Variants in SSH1 observed in about 807,000 individuals in gnomAD.
The protein encoded by SSH1 is protein phosphatase Slingshot homolog 1.
SSH1 carries 43 observed loss-of-function variants against 79.7 expected under a neutral mutation model. The ratio of observed to expected loss-of-function variants is 0.54; its 90% confidence interval spans 0.42 to 0.70. SSH1 has a LOEUF of 0.70. Among genes scored for constraint, SSH1 ranks in the 30% least tolerant of loss-of-function variants. The pLI, the probability that SSH1 is intolerant of heterozygous loss-of-function variation, is 0.00. For missense variants in SSH1, 1,206 were observed against 1,358.8 expected, an observed-to-expected ratio of 0.89 and a Z score of 1.77; for synonymous variants, 599 against 538.3, an observed-to-expected ratio of 1.11 and a Z score of -1.56.
chr12:108,852,977 C>T (rs2039074607), intron 1 of SSH1: 3 of 985,220 alleles, frequency 3.0e-6, no homozygotes, highest in Non-Finnish European at 3.6e-6. Context: ...GTCTTTTAGC[C>T]CTCAGCCCTC....
At position 108,790,493 on chromosome 12, in the gene SSH1, A is replaced by G. The variant is rs539262437; in HGVS notation, c.1894-1249T>C. Among the ~76,000 whole-genome samples the G allele has an allele frequency of 1.8e-3, 267 of 152,262 alleles. 1 individual carries two copies. The highest frequency in any genetic ancestry group is 2.9e-3 in the Non-Finnish European group (198 of 68,014). ...GAGACAGGGTTTCACCATGTTGGTC[A>G]TGCTGGTCTCAAACTCCTGACCTCA... is the stretch of plus-strand genomic sequence containing the variant. On this transcript the variant is annotated intron_variant, in intron 14 of 14. Transcript: ENST00000326495.
chr12:108,829,478 G>C (rs7960393), intron 2 of SSH1, among the ~76,000 whole-genome samples: 48,123 of 151,950 alleles, frequency 0.32, 7,802 homozygotes, highest in South Asian at 0.44. Context: ...ATCCAAACAG[G>C]CAAACATTTG....
chr12:108,841,088 T>C (rs368092926), intron 2 of SSH1, among the ~76,000 whole-genome samples: 5 of 152,244 alleles, frequency 3.3e-5, no homozygotes, highest in African/African-American at 7.2e-5. Context: ...TCACTTTACA[T>C]AGCAGGAGAC....
chr12:108,795,153 A>C (rs1315514870), intron 13 of SSH1, among the ~76,000 whole-genome samples: 2 of 152,234 alleles, frequency 1.3e-5, no homozygotes, highest in East Asian at 3.8e-4. Context: ...AACAATGGCA[A>C]ATAAACCTCC....
chr12:108,788,848 T>C lies in SSH1; in HGVS notation c.2290A>G (p.Lys764Glu), dbSNP rs1424050669. The C allele has an allele frequency of 1.2e-6, 2 of 1,614,124 alleles. No homozygotes were observed. The highest frequency in any genetic ancestry group is 1.7e-6 in the Non-Finnish European group (2 of 1,180,048). Residue 764 changes from lysine (K) to glutamate (E), a missense_variant, in exon 15 of 15, where the codon AAG (lysine) becomes GAG (glutamate). Physicochemically the swap from Lys to Glu is moderately conservative, Grantham distance 56. Coordinates refer to ENST00000326495, the MANE Select transcript of SSH1 (RefSeq NM_018984.4). The part of the protein sequence containing the change: ...SLLLKNSHCD[K>E]NPPSTEVVIK... Reference sequence around the variant, plus strand: ...ACCACTTCTGTGCTGGGAGGGTTCTTATCACAGTGAGAATTCTTCAAAAGG... The same window carrying C: ...ACCACTTCTGTGCTGGGAGGGTTCTCATCACAGTGAGAATTCTTCAAAAGG...
At chr12:108,835,898 TTAATA>T (rs2038596954) in intron 2 of SSH1, among the ~76,000 whole-genome samples, 2 of 76,914 alleles carry the variant, frequency 2.6e-5, no homozygotes, top group African/African-American at 9.6e-5. Context: ...TATAACTATA[TTAATA>T]TAATTAATTA....
In SSH1 at chr12:108,788,490, G is replaced by T; in HGVS notation, c.2648C>A (p.Ser883Ter). 1 of 1,556,296 alleles carries T rather than the reference G, an allele frequency of 6.4e-7. No homozygotes were observed. Among genetic ancestry groups the T allele is most frequent in the South Asian group, 1.2e-5 (1 of 80,560 alleles). ...TTCCAATGAAGCGGGGGCGGCCTCTGACTTCTCATCACTCCCGGCCTGGCT... is the reference window on the plus strand; with the variant it reads ...TTCCAATGAAGCGGGGGCGGCCTCTTACTTCTCATCACTCCCGGCCTGGCT... ...MPSQAGSDEKSEAAPASLEGG... is the reference protein window; with the variant it reads ...MPSQAGSDEK The change falls in exon 15 of 15, where the codon TCA becomes TAA. Residue 883 changes from serine to a stop codon, truncating the protein, a stop_gained. Transcript: ENST00000326495. LOFTEE classifies it high-confidence loss of function.
intron 4 of SSH1, 61 bp from the exon 5 acceptor site, chr12:108,817,220 C>T: frequency 6.2e-7 from 1 of 1,604,656 alleles, no homozygotes; most frequent in East Asian, 2.2e-5. Context: ...TCCCTCCCAT[C>T]TCCAATGCAA....
At chr12:108,816,587 G>A (rs943207521) in intron 5 of SSH1, among the ~76,000 whole-genome samples, 1 of 152,160 alleles carries the variant, frequency 6.6e-6, no homozygotes, top group African/African-American at 2.4e-5. Flanking sequence ...AATCAGTGGA[G>A]TATCACTGTG....
In SSH1 at chr12:108,807,463, G is replaced by A; in HGVS notation, c.731+170C>T. 1.7e-6 allele frequency: 1 copy of A among 592,524 alleles called. No homozygotes were observed. The highest frequency in any genetic ancestry group is 2.0e-5 in the South Asian group (1 of 48,844). The allele number at this position is 592,524 out of a possible 1,614,324, so 36.7% of individuals were successfully genotyped here. A position where few individuals can be genotyped will look rare whatever the true frequency, so the allele number is the denominator to read the frequency against. ...TTTTTTGCATGGGACAGGGGCCTGT[G>A]TCACAGACCCCTGCTTTAAACGCTG... On this transcript the variant is annotated intron_variant, in intron 8 of 14. Coordinates refer to ENST00000326495, the MANE Select transcript of SSH1 (RefSeq NM_018984.4). The surrounding 1 kb of genome is among the most constrained non-coding windows in gnomAD (Gnocchi z 5.2).
chr12:108,818,427 T>G, intron 3 of SSH1, 114 bp from the exon 4 acceptor site: 1 of 905,910 alleles, frequency 1.1e-6, no homozygotes, highest in East Asian at 2.6e-5. Context: ...TTAAAATTTG[T>G]CTACCTACAC....
Position 108,792,482 on chromosome 12 carries a change from T to C in SSH1, c.1697A>G (p.Lys566Arg), listed in dbSNP as rs745507151. 6.2e-7 allele frequency: 1 copy of C among 1,614,222 alleles called. No individual in the cohort carries two copies. The highest frequency in any genetic ancestry group is 1.1e-5 in the South Asian group (1 of 91,086). Residue 566 changes from lysine to arginine, a missense_variant, in exon 14 of 15, where the codon AAG becomes AGG. Physicochemically the swap from Lys to Arg is conservative, Grantham distance 26. Coordinates refer to ENST00000326495, the MANE Select transcript of SSH1 (RefSeq NM_018984.4). Reference sequence around the variant, plus strand: ...AAACTCTAGTTTCTTCTTCACATCCTTCTCACAGAGTCCGGAACCTTGCTG... The same window carrying C: ...AAACTCTAGTTTCTTCTTCACATCCCTCTCACAGAGTCCGGAACCTTGCTG... ...QPQQGSGLCE[K>R]DVKKKLEFGS... is the part of the protein sequence containing the mutation.
At chr12:108,832,142 C>T (rs545988464) in intron 2 of SSH1, among the ~76,000 whole-genome samples, 28 of 151,982 alleles carry the variant, frequency 1.8e-4, no homozygotes, top group African/African-American at 6.8e-4. Flanking sequence ...ACAAAAAATA[C>T]AAAAATTAGC....
In SSH1 at chr12:108,807,417, AAT is replaced by A. The variant is rs2037333929; in HGVS notation, c.731+214_731+215del. 5.4e-5 allele frequency among the ~76,000 whole-genome samples: 1 copy of A among 18,414 alleles called. No homozygotes were observed. The highest frequency in any genetic ancestry group is 3.0e-3 in the South Asian group (1 of 338). 12.1% of individuals were successfully genotyped at this position (18,414 alleles called of 152,430 possible). A position where few individuals can be genotyped will look rare whatever the true frequency, so the allele number is the denominator to read the frequency against. ...AAATGCATTCACCAAATTCATCAGT[AAT>A]TTTTTTTTTTTTTTTCTTTTTTTTG... is the stretch of plus-strand genomic sequence containing the variant. On this transcript the variant is annotated intron_variant, in intron 8 of 14. Transcript: ENST00000326495. This position sits in a 1 kb window ranked among gnomAD's most constrained non-coding sequence, Gnocchi z 5.2.
chr12:108,797,693 G>A (rs1383015405), intron 13 of SSH1, among the ~76,000 whole-genome samples: 1 of 152,166 alleles, frequency 6.6e-6, no homozygotes, highest in African/African-American at 2.4e-5. Context: ...GAGGTGGCTT[G>A]ACCTCAGGGG....
chr12:108,848,252 G>A (rs1462784782), intron 2 of SSH1, among the ~76,000 whole-genome samples: 2 of 152,178 alleles, frequency 1.3e-5, no homozygotes, highest in African/African-American at 4.8e-5. Context: ...CAGGGAACTT[G>A]AGAAAAAGAA....
At chr12:108,800,669 A>C in intron 12 of SSH1, 111 bp downstream of exon 12, 1 of 1,300,814 alleles carries the variant, frequency 7.7e-7, no homozygotes, top group Non-Finnish European at 1.1e-6. Context: ...GAGTCCCGTT[A>C]GGATCCCCCC....
chr12:108,838,505 G>T (rs2137251311), intron 2 of SSH1, among the ~76,000 whole-genome samples: 1 of 152,338 alleles, frequency 6.6e-6, no homozygotes, highest in South Asian at 2.1e-4. Flanking sequence ...ACCTGCCCGT[G>T]CAGGCCTCCT....
In SSH1 at chr12:108,819,927, T is replaced by G. The variant is rs186483577; in HGVS notation, c.215-1614A>C. 8.4e-3 allele frequency among the ~76,000 whole-genome samples: 1,286 copies of G among 152,356 alleles called. 7 individuals carry two copies. The highest frequency in any genetic ancestry group is 0.014 in the Non-Finnish European group (973 of 68,038). ...TTTTGCAAAAGCATCTTTTTCATTTTAAGGGAGAAGGACAGATGATGTCCA... is the reference window on the plus strand; with the variant it reads ...TTTTGCAAAAGCATCTTTTTCATTTGAAGGGAGAAGGACAGATGATGTCCA... On this transcript the variant is annotated intron_variant, in intron 3 of 14. Coordinates refer to ENST00000326495, the MANE Select transcript of SSH1 (RefSeq NM_018984.4).
Sources: allele counts gnomAD v4.1 joint callset (sites outside exome capture counted in the v4.1 genomes callset), GRCh38; gene constraint gnomAD v4.1.1; non-coding constraint Gnocchi (gnomAD v3.1); transcripts MANE v1.5; gene names NCBI Gene and HGNC (gene_info 2026-07-23, HGNC 2026-07-21).